SLC28A1: variants seen among roughly 807,000 people sequenced by gnomAD.
SLC28A1 encodes solute carrier family 28 member 1.
Under a neutral mutation model 74.8 loss-of-function variants are expected in SLC28A1, and 64 were observed. The observed-to-expected ratio is 0.86, with a 90% confidence interval of 0.70 to 1.05. The LOEUF (loss-of-function observed/expected upper bound fraction) is 1.05. Ranked by LOEUF, SLC28A1 falls within the 50% of genes least tolerant of loss-of-function variation. The probability of loss-of-function intolerance (pLI) is 0.00; values close to 1 mark genes in which losing one functional copy is unlikely to be tolerated. For synonymous variants in SLC28A1, 359 were observed against 335.0 expected, an observed-to-expected ratio of 1.07 and a Z score of -0.78; for missense variants, 828 against 822.8, an observed-to-expected ratio of 1.01 and a Z score of -0.08.
the SLC28A1 span, among the ~76,000 whole-genome samples, chr15:84,967,385 G>T: frequency 1.1e-4 from 17 of 152,174 alleles, no homozygotes; most frequent in African/African-American, 4.1e-4. Context: ...GCTTCTTTTA[G>T]CAAAAGGGTT....
chr15:84,959,881 G>A, the SLC28A1 span, among the ~76,000 whole-genome samples: 11,685 of 152,060 alleles, frequency 0.077, 542 homozygotes, highest in Admixed American at 0.1. Context: ...ACGTTCATAC[G>A]TAACAATGAG....
At chr15:84,962,266 A>C in the SLC28A1 span, among the ~76,000 whole-genome samples, 1 of 151,276 alleles carries the variant, frequency 6.6e-6, no homozygotes, top group Non-Finnish European at 1.5e-5. Flanking sequence ...AGAGACAGAG[A>C]TCTCGCTATG....
chr15:84,961,397 T>A, the SLC28A1 span: 1 of 396,248 alleles, frequency 2.5e-6, no homozygotes, highest in Non-Finnish European at 4.9e-6. Context: ...AGTGATATAA[T>A]CATGGCTCAC....
At chr15:84,941,034 A>G (rs1287442741) in intron 15 of SLC28A1, 1 of 153,074 alleles carries the variant, frequency 6.5e-6, no homozygotes, top group African/African-American at 2.4e-5. Flanking sequence ...TGCCTGAAGC[A>G]TCTGGGTGCT....
chr15:84,936,453 C>T (rs1270625686), intron 15 of SLC28A1, among the ~76,000 whole-genome samples: 2 of 151,948 alleles, frequency 1.3e-5, no homozygotes, highest in Non-Finnish European at 2.9e-5. Flanking sequence ...AGACGGGGTT[C>T]ACCATGTTGG....
the SLC28A1 span, among the ~76,000 whole-genome samples, chr15:84,961,118 G>GTGT: frequency 6.6e-6 from 1 of 152,144 alleles, no homozygotes; most frequent in African/African-American, 2.4e-5. Flanking sequence ...ACTCGTAGGG[G>GTGT]TGTTGTAAGC....
At chr15:84,946,349 G>A (rs2079230806), downstream of SLC28A1, among the ~76,000 whole-genome samples, 1 of 151,580 alleles carries the variant, frequency 6.6e-6, no homozygotes, top group Non-Finnish European at 1.5e-5. Flanking sequence ...TTTACTCTAG[G>A]CAACTGTAAT....
downstream of SLC28A1, among the ~76,000 whole-genome samples, chr15:84,949,334 G>C (rs923830079): frequency 7.2e-5 from 11 of 152,304 alleles, no homozygotes; most frequent in African/African-American, 2.6e-4. Context: ...GATTGGATAT[G>C]GTCTTAGGAG....
intron 8 of SLC28A1, 127 bp from the exon 9 acceptor site, chr15:84,908,591 C>CCG: frequency 3.9e-6 from 3 of 763,966 alleles, no homozygotes; most frequent in Non-Finnish European, 6.9e-6. Flanking sequence ...GGTGGTGCCC[C>CCG]CCCCCGGATA....
intron 12 of SLC28A1, among the ~76,000 whole-genome samples, chr15:84,931,108 G>A (rs935556657): frequency 6.6e-6 from 1 of 151,628 alleles, no homozygotes; most frequent in Non-Finnish European, 1.5e-5. Flanking sequence ...GTTTCACCAT[G>A]TTGGCTAGGC....
intron 8 of SLC28A1, 121 bp from the exon 9 acceptor site, chr15:84,908,595 CCG>C: frequency 2.6e-6 from 2 of 777,992 alleles, no homozygotes; most frequent in African/African-American, 1.9e-5. Flanking sequence ...GTGCCCCCCC[CCG>C]GATAAGGGCC....
At chr15:84,930,481 T>C (rs1369718145) in intron 12 of SLC28A1, among the ~76,000 whole-genome samples, 1 of 152,098 alleles carries the variant, frequency 6.6e-6, no homozygotes, top group East Asian at 1.9e-4. Context: ...AAGAAACAAC[T>C]GGGGTTTAGA....
At chr15:84,974,571 T>C in the SLC28A1 span, among the ~76,000 whole-genome samples, 1 of 151,988 alleles carries the variant, frequency 6.6e-6, no homozygotes, top group Admixed American at 6.6e-5. Context: ...TATGGTGGGA[T>C]TGTGGAAGGC....
chr15:84,926,879 T>C (rs1159811780), intron 12 of SLC28A1, among the ~76,000 whole-genome samples: 7 of 151,984 alleles, frequency 4.6e-5, no homozygotes, highest in Admixed American at 3.3e-4. Flanking sequence ...TCCACCTGTC[T>C]CTCTCATCTC....
chr15:84,929,598 C>A (rs1469624485), intron 12 of SLC28A1, among the ~76,000 whole-genome samples: 1 of 148,418 alleles, frequency 6.7e-6, no homozygotes, highest in Non-Finnish European at 1.5e-5. Context: ...TCATGCCTGT[C>A]ATTTCAGTAC....
chr15:84,923,421 T>C (rs899969561), intron 11 of SLC28A1, among the ~76,000 whole-genome samples: 17 of 152,174 alleles, frequency 1.1e-4, no homozygotes, highest in African/African-American at 3.6e-4. Context: ...GTCGACGCCA[T>C]GTTCCTATTC....
At chr15:84,921,408 A>G (rs1288610864) in intron 11 of SLC28A1, among the ~76,000 whole-genome samples, 3 of 152,226 alleles carry the variant, frequency 2.0e-5, no homozygotes, top group Non-Finnish European at 4.4e-5. Context: ...TTCCACACAT[A>G]TAAGCCACGG....
intron 12 of SLC28A1, among the ~76,000 whole-genome samples, chr15:84,932,320 A>G (rs555559171): frequency 6.6e-6 from 1 of 152,236 alleles, no homozygotes; most frequent in Admixed American, 6.5e-5. Flanking sequence ...AACGTGTCAT[A>G]TTTCTCTGTG....
In SLC28A1 at chr15:84,892,001, T is replaced by A. The variant is rs536597640; in HGVS notation, c.277+1467T>A. Among the ~76,000 whole-genome samples, 4 of 151,838 alleles carry A rather than the reference T, an allele frequency of 2.6e-5. No homozygotes were observed. In the East Asian group the frequency reaches 7.8e-4, roughly 30 times the overall value. ...TCCCCACCCCACCGGGAGGGGTGGG[T>A]CTTTGCAGGAGCAAGCTCACCTCAT... On this transcript the variant is annotated intron_variant, in intron 5 of 18. Coordinates refer to ENST00000394573, the MANE Select transcript of SLC28A1 (RefSeq NM_004213.5).
Sources: gnomAD v4.1 joint callset for allele counts (sites outside exome capture counted in the v4.1 genomes callset) on GRCh38, gnomAD v4.1.1 for gene constraint, MANE v1.5 for transcripts, NCBI Gene and HGNC (gene_info 2026-07-23, HGNC 2026-07-21) for gene names.